EYA1: variants seen among roughly 807,000 people sequenced by gnomAD.
The protein encoded by EYA1 is protein phosphatase EYA1.
Under a neutral mutation model 82.0 loss-of-function variants are expected in EYA1, and 16 were observed. The ratio of observed to expected loss-of-function variants is 0.20; its 90% confidence interval spans 0.13 to 0.30. The LOEUF (loss-of-function observed/expected upper bound fraction) is 0.30, where lower values mean the gene tolerates loss of function less well. Ranked by LOEUF, EYA1 falls within the 10% of genes least tolerant of loss-of-function variation. EYA1 has a pLI of 1.00. For synonymous variants in EYA1, 261 were observed against 264.4 expected, an observed-to-expected ratio of 0.99 and a Z score of 0.12; for missense variants, 633 against 730.7, an observed-to-expected ratio of 0.87 and a Z score of 1.54.
intron 2 of EYA1, among the ~76,000 whole-genome samples, chr8:71,480,571 A>C (rs1482752600): frequency 2.6e-5 from 4 of 152,190 alleles, no homozygotes; most frequent in Non-Finnish European, 5.9e-5. Context: ...AGTGAAAAAA[A>C]AAATGCTGGC....
chr8:71,250,359 C>A (rs1813603677), intron 11 of EYA1, among the ~76,000 whole-genome samples: 1 of 152,166 alleles, frequency 6.6e-6, no homozygotes, highest in Non-Finnish European at 1.5e-5. Context: ...GGAGCCTGTA[C>A]ACTCACATCT....
At chr8:71,448,935 G>T in intron 2 of EYA1, 1 of 165,618 alleles carries the variant, frequency 6.0e-6, no homozygotes. Flanking sequence ...CATCAGTAAA[G>T]TAGTTCTTTA....
intron 2 of EYA1, among the ~76,000 whole-genome samples, chr8:71,372,857 C>T (rs926316261): frequency 2.0e-5 from 3 of 152,064 alleles, no homozygotes; most frequent in African/African-American, 2.4e-5. Context: ...TGATACACCA[C>T]ATTAACAGAA....
chr8:71,532,391 C>T (rs1294778357), intron 2 of EYA1, among the ~76,000 whole-genome samples: 2 of 152,162 alleles, frequency 1.3e-5, no homozygotes, highest in African/African-American at 4.8e-5. Context: ...CCTCCTCAGC[C>T]CAGAGCTCTG....
chr8:71,223,148 A>C (rs1810139090), intron 12 of EYA1, among the ~76,000 whole-genome samples: 1 of 152,194 alleles, frequency 6.6e-6, no homozygotes, highest in African/African-American at 2.4e-5. Context: ...GTGAAAGCAT[A>C]GGTTTTAGCA....
intron 3 of EYA1, among the ~76,000 whole-genome samples, chr8:71,339,580 C>T (rs1168776645): frequency 2.0e-5 from 3 of 152,104 alleles, no homozygotes; most frequent in African/African-American, 7.2e-5. Context: ...CAACTATTTC[C>T]CTTCCACACC....
intron 2 of EYA1, among the ~76,000 whole-genome samples, chr8:71,469,801 G>T (rs182879898): frequency 1.3e-5 from 2 of 151,984 alleles, no homozygotes; most frequent in Non-Finnish European, 2.9e-5. Context: ...CTGGTCTAAG[G>T]GTAGATACAT....
chr8:71,210,409 G>T (rs1012552873), intron 17 of EYA1, among the ~76,000 whole-genome samples: 4 of 152,200 alleles, frequency 2.6e-5, no homozygotes, highest in Admixed American at 2.0e-4. Flanking sequence ...CACAACTACA[G>T]TGTAAGGTAC....
At chr8:71,368,721 C>T (rs551361808) in intron 2 of EYA1, among the ~76,000 whole-genome samples, 24 of 152,134 alleles carry the variant, frequency 1.6e-4, no homozygotes, top group Non-Finnish European at 2.8e-4. Flanking sequence ...GACACAAATA[C>T]GGATGACCTA....
chr8:71,397,002 T>C (rs894906301), intron 2 of EYA1, among the ~76,000 whole-genome samples: 7 of 152,240 alleles, frequency 4.6e-5, no homozygotes, highest in Non-Finnish European at 1.0e-4. Context: ...TTTAGCATAG[T>C]TAGCTCTTCT....
intron 7 of EYA1, among the ~76,000 whole-genome samples, chr8:71,317,204 T>TAAA (rs1449842821): frequency 6.6e-6 from 1 of 152,218 alleles, no homozygotes; most frequent in African/African-American, 2.4e-5. Flanking sequence ...CGTAAGTTTT[T>TAAA]AGTACATGCC....
At chr8:71,307,307 A>T (rs6472579) in intron 7 of EYA1, among the ~76,000 whole-genome samples, 103,586 of 152,026 alleles carry the variant, frequency 0.68, 35,657 homozygotes, top group East Asian at 0.89. Flanking sequence ...CTTTGCTGGG[A>T]TTTTTTTATT....
chr8:71,309,327 G>C (rs1386441486), intron 7 of EYA1, among the ~76,000 whole-genome samples: 1 of 150,672 alleles, frequency 6.6e-6, no homozygotes, highest in African/African-American at 2.4e-5. Context: ...GCCAAAAGAA[G>C]TGAAACAAAA....
chr8:71,480,872 T>C (rs894893084), intron 2 of EYA1, among the ~76,000 whole-genome samples: 4 of 152,188 alleles, frequency 2.6e-5, no homozygotes, highest in Admixed American at 2.6e-4. Flanking sequence ...TATATTAACT[T>C]TAAAAGGTCT....
At chr8:71,315,340 T>C (rs1451392425) in intron 7 of EYA1, among the ~76,000 whole-genome samples, 1 of 152,236 alleles carries the variant, frequency 6.6e-6, no homozygotes, top group Non-Finnish European at 1.5e-5. Flanking sequence ...CTTTAGCTTT[T>C]GGTGGACGGG....
chr8:71,368,739 A>G (rs1029024775), intron 2 of EYA1, among the ~76,000 whole-genome samples: 1 of 152,186 alleles, frequency 6.6e-6, no homozygotes, highest in African/African-American at 2.4e-5. Flanking sequence ...CTAACTCACC[A>G]CAAATAAATG....
At chr8:71,309,400 CT>C (rs936301824) in intron 7 of EYA1, among the ~76,000 whole-genome samples, 27 of 151,158 alleles carry the variant, frequency 1.8e-4, no homozygotes, top group African/African-American at 6.3e-4. Context: ...ATGCCAAGAA[CT>C]AAAAAATAAA....
At chr8:71,540,735 C>T (rs1210953008) in intron 1 of EYA1, among the ~76,000 whole-genome samples, 1 of 152,142 alleles carries the variant, frequency 6.6e-6, no homozygotes, top group Non-Finnish European at 1.5e-5. Context: ...CTGGAAATAA[C>T]TTGTGGCTCC....
At chr8:71,448,402 G>A (rs1437105910) in intron 2 of EYA1, among the ~76,000 whole-genome samples, 1 of 152,108 alleles carries the variant, frequency 6.6e-6, no homozygotes, top group Non-Finnish European at 1.5e-5. Context: ...TCGTAAGATT[G>A]TAGCAACTCA....
Sources: allele counts gnomAD v4.1 joint callset (sites outside exome capture counted in the v4.1 genomes callset), GRCh38; gene constraint gnomAD v4.1.1; transcripts MANE v1.5; gene names NCBI Gene and HGNC (gene_info 2026-07-23, HGNC 2026-07-21).